FAM162A: variants seen among roughly 807,000 people sequenced by gnomAD.
FAM162A encodes protein FAM162A.
A neutral mutation model predicts 21.8 loss-of-function variants in FAM162A; 23 were observed. That is an observed-to-expected ratio of 1.05 (90% CI 0.76 to 1.49). The LOEUF is 1.49. FAM162A is among the 40% of genes most tolerant of loss of function. The probability of loss-of-function intolerance (pLI) is 0.00; values close to 1 mark genes in which losing one functional copy is unlikely to be tolerated. For missense variants in FAM162A, 165 were observed against 186.4 expected (o/e 0.89, Z 0.67); for synonymous variants, 53 against 61.3 (o/e 0.86, Z 0.64).
chr3:122,400,065 T>C (rs1257555284), intron 1 of FAM162A, among the ~76,000 whole-genome samples: 8 of 152,036 alleles, frequency 5.3e-5, no homozygotes, highest in Non-Finnish European at 1.2e-4. Context: ...GACCACACCA[T>C]TGCACTCCAG....
At chr3:122,399,065 T>C (rs1342608691) in intron 1 of FAM162A, among the ~76,000 whole-genome samples, 1 of 152,126 alleles carries the variant, frequency 6.6e-6, no homozygotes, top group African/African-American at 2.4e-5. Flanking sequence ...TTATCTTTTC[T>C]GATCCTCTCC....
chr3:122,399,784 C>T (rs2075644817), intron 1 of FAM162A, among the ~76,000 whole-genome samples: 1 of 152,262 alleles, frequency 6.6e-6, no homozygotes, highest in South Asian at 2.1e-4. Context: ...AACCTCACCA[C>T]AGCATCCCTT....
At chr3:122,384,393 C>G in intron 1 of FAM162A, 94 bp downstream of exon 1, 1 of 1,415,746 alleles carries the variant, frequency 7.1e-7, no homozygotes. Flanking sequence ...CGGAGTGGCT[C>G]CATTCCATGA....
chr3:122,387,037 T>C (rs1407681823), intron 1 of FAM162A, among the ~76,000 whole-genome samples: 1 of 152,196 alleles, frequency 6.6e-6, no homozygotes, highest in Non-Finnish European at 1.5e-5. Context: ...ACTGGCTCTG[T>C]TTTGTTTTTA....
chr3:122,388,813 GC>G (rs1340135366), intron 1 of FAM162A, among the ~76,000 whole-genome samples: 2 of 152,294 alleles, frequency 1.3e-5, no homozygotes, highest in Admixed American at 1.3e-4. Flanking sequence ...ATTTTGGGAG[GC>G]CGAGGTGGGC....
At chr3:122,398,102 A>G (rs547113271) in intron 1 of FAM162A, among the ~76,000 whole-genome samples, 34 of 152,352 alleles carry the variant, frequency 2.2e-4, no homozygotes, top group Non-Finnish European at 4.1e-4. Context: ...TAAAAATGCA[A>G]CGTAAGGAAG....
At chr3:122,399,842 G>A (rs1010937267) in intron 1 of FAM162A, among the ~76,000 whole-genome samples, 2 of 152,142 alleles carry the variant, frequency 1.3e-5, no homozygotes, top group African/African-American at 4.8e-5. Flanking sequence ...GGTGGCTCAT[G>A]CCTGTAATCC....
At chr3:122,384,616 C>T (rs9880639) in intron 1 of FAM162A, among the ~76,000 whole-genome samples, 2 of 152,028 alleles carry the variant, frequency 1.3e-5, no homozygotes, top group African/African-American at 2.4e-5. Context: ...CACCTACTAT[C>T]CCTAGACCTC....
chr3:122,388,670 C>T (rs1346763267), intron 1 of FAM162A, among the ~76,000 whole-genome samples: 1 of 152,012 alleles, frequency 6.6e-6, no homozygotes, highest in East Asian at 1.9e-4. Context: ...GCATTGAATC[C>T]TTGTAGAAAG....
intron 1 of FAM162A, among the ~76,000 whole-genome samples, chr3:122,394,987 T>C (rs2075620919): frequency 6.6e-6 from 1 of 152,128 alleles, no homozygotes; most frequent in Admixed American, 6.5e-5. Context: ...CTCAACATCA[T>C]TCACCATGTT....
chr3:122,392,846 A>G (rs1292925276), intron 1 of FAM162A, among the ~76,000 whole-genome samples: 1 of 152,196 alleles, frequency 6.6e-6, no homozygotes, highest in African/African-American at 2.4e-5. Context: ...CATTAGGGGT[A>G]AAATTGAAAA....
chr3:122,411,336 C>T lies in FAM162A; in HGVS notation c.*1505C>T, dbSNP rs2075704157. ...CTTCTTTGTAGGTATCAAGTTATCA[C>T]TTGCAAATTTATTTTCAAAAAGCAT... On this transcript the variant is annotated 3_prime_UTR_variant, in exon 5 of 5. Coordinates refer to ENST00000477892, the MANE Select transcript of FAM162A (RefSeq NM_014367.4). 1.3e-5 allele frequency: 2 copies of T among 152,182 alleles called. No individual in the cohort carries two copies. Among genetic ancestry groups the T allele is most frequent in the Admixed American group, 1.3e-4 (2 of 15,272 alleles). 9.4% of individuals were successfully genotyped at this position (152,182 alleles called of 1,614,324 possible).
intron 1 of FAM162A, among the ~76,000 whole-genome samples, chr3:122,392,040 A>G (rs1324107045): frequency 6.6e-6 from 1 of 152,232 alleles, no homozygotes; most frequent in African/African-American, 2.4e-5. Flanking sequence ...GCACATAGGA[A>G]GTACTTTGTT....
intron 3 of FAM162A, among the ~76,000 whole-genome samples, chr3:122,406,086 C>T (rs967968641): frequency 6.6e-6 from 1 of 152,168 alleles, no homozygotes; most frequent in African/African-American, 2.4e-5. Flanking sequence ...TTTTAAAGTA[C>T]TCCCCTCCCC....
intron 1 of FAM162A, among the ~76,000 whole-genome samples, chr3:122,396,104 G>A (rs974254072): frequency 3.9e-5 from 6 of 152,060 alleles, no homozygotes; most frequent in African/African-American, 1.4e-4. Flanking sequence ...GAATATAGGA[G>A]TAAATCTTTG....
chr3:122,410,766 A>C lies in FAM162A; in HGVS notation c.*935A>C, dbSNP rs528461652. 2 of 152,268 alleles carry C rather than the reference A, an allele frequency of 1.3e-5. No individual in the cohort carries two copies. Among genetic ancestry groups the C allele is most frequent in the South Asian group, 4.1e-4 (2 of 4,834 alleles). The allele number at this position is 152,268 out of a possible 1,614,324, so 9.4% of individuals were successfully genotyped here. ...TGAAAATATTAAATGGAAAATTCCT[A>C]TAACAATGCATAAGTTATAGATTAC... is the stretch of plus-strand genomic sequence containing the variant. On this transcript the variant is annotated 3_prime_UTR_variant, in exon 5 of 5. Transcript: ENST00000477892.
intron 1 of FAM162A, among the ~76,000 whole-genome samples, chr3:122,386,354 G>A (rs2075574461): frequency 6.6e-6 from 1 of 152,086 alleles, no homozygotes; most frequent in South Asian, 2.1e-4. Context: ...TTTGAGACCA[G>A]CCTGGCTAAC....
intron 3 of FAM162A, among the ~76,000 whole-genome samples, chr3:122,405,704 G>T (rs1402712185): frequency 1.3e-5 from 2 of 152,110 alleles, no homozygotes; most frequent in East Asian, 3.9e-4. Flanking sequence ...GTCTTTTCTG[G>T]GCCTGGGCAG....
intron 1 of FAM162A, among the ~76,000 whole-genome samples, chr3:122,394,390 G>A (rs2075618159): frequency 6.6e-6 from 1 of 152,158 alleles, no homozygotes. Context: ...ACAGCCCGTA[G>A]GCAAACACTT....
Sources: allele counts gnomAD v4.1 joint callset (sites outside exome capture counted in the v4.1 genomes callset), GRCh38; gene constraint gnomAD v4.1.1; transcripts MANE v1.5; gene names NCBI Gene and HGNC (gene_info 2026-07-23, HGNC 2026-07-21).